ANKS1B: variants seen among roughly 807,000 people sequenced by gnomAD.
ANKS1B encodes the protein ankyrin repeat and sterile alpha motif domain containing 1B.
ANKS1B carries 36 observed loss-of-function variants against 148.3 expected under a neutral mutation model. The ratio of observed to expected loss-of-function variants is 0.24; its 90% CI spans 0.19 to 0.32. The LOEUF is 0.32. Ranked by LOEUF, ANKS1B falls within the 10% of genes least tolerant of loss-of-function variation. The pLI is 1.00. For synonymous variants in ANKS1B, 542 were observed against 560.8 expected (o/e 0.97, Z 0.47); for missense variants, 1,157 against 1,542.6 (o/e 0.75, Z 4.19).
intron 8 of ANKS1B, among the ~76,000 whole-genome samples, chr12:99,696,558 CTT>C (rs561891959): frequency 2.0e-5 from 3 of 152,172 alleles, no homozygotes; most frequent in African/African-American, 7.2e-5. Context: ...AGGTCTTACA[CTT>C]TTCACAAATT....
chr12:98,745,374 A>C lies in ANKS1B; in HGVS notation c.*365T>G, dbSNP rs954368131. ...TTAGGCAGTATTAGAGATCCCCTTT[A>C]CTTTTTTTTTTTTTTTTTTTTTTTT... On this transcript the variant is annotated 3_prime_UTR_variant, in exon 27 of 27. Coordinates refer to ENST00000683438, the MANE Select transcript of ANKS1B (RefSeq NM_001352186.2). 1.3e-5 allele frequency: 10 copies of C among 749,550 alleles called. No homozygotes were observed. In the African/African-American group the frequency reaches 2.7e-4, roughly 20 times the overall value. The allele number at this position is 749,550 out of a possible 1,614,324, so 46.4% of individuals were successfully genotyped here.
Position 99,299,254 on chromosome 12 carries a change from T to C in ANKS1B, c.1757-52390A>G, listed in dbSNP as rs557102544. 1.2e-3 allele frequency among the ~76,000 whole-genome samples: 188 copies of C among 152,178 alleles called. 1 individual carries two copies. The highest frequency in any genetic ancestry group is 4.4e-3 in the African/African-American group (184 of 41,532). On this transcript the variant is annotated intron_variant, in intron 12 of 26. Coordinates refer to ENST00000683438, the MANE Select transcript of ANKS1B (RefSeq NM_001352186.2). ...TTTTCTATTTTTTGTAGAGACGAGG[T>C]CTCGCTATGTTGTCCAGGCTGGTCT...
chr12:99,589,740 C>G, intron 9 of ANKS1B, among the ~76,000 whole-genome samples: 1 of 152,018 alleles, frequency 6.6e-6, no homozygotes, highest in East Asian at 1.9e-4. Flanking sequence ...TGGAAACCAC[C>G]TAAATGAATG....
intron 9 of ANKS1B, among the ~76,000 whole-genome samples, chr12:99,566,232 T>G (rs2097392339): frequency 6.6e-6 from 1 of 152,210 alleles, no homozygotes; most frequent in African/African-American, 2.4e-5. Context: ...TCTTTTGCAT[T>G]CTATTACAAG....
chr12:99,131,223 C>T (rs1485094296), intron 15 of ANKS1B, among the ~76,000 whole-genome samples: 1 of 152,314 alleles, frequency 6.6e-6, no homozygotes, highest in Admixed American at 6.5e-5. Flanking sequence ...ACCCAACAAA[C>T]ACTTGGTTTA....
At chr12:99,789,267 C>A in intron 4 of ANKS1B, among the ~76,000 whole-genome samples, 1 of 152,174 alleles carries the variant, frequency 6.6e-6, no homozygotes, top group East Asian at 1.9e-4. Flanking sequence ...AAGGCAATAC[C>A]TCTATGAGTC....
At chr12:99,153,719 T>A (rs1396604392) in intron 15 of ANKS1B, among the ~76,000 whole-genome samples, 1 of 152,180 alleles carries the variant, frequency 6.6e-6, no homozygotes, top group Non-Finnish European at 1.5e-5. Flanking sequence ...TAAACAATAC[T>A]TCATCGCTCT....
At chr12:99,106,456 C>T (rs1035076980) in intron 15 of ANKS1B, among the ~76,000 whole-genome samples, 6 of 152,178 alleles carry the variant, frequency 3.9e-5, no homozygotes, top group Admixed American at 1.3e-4. Flanking sequence ...TTTTGAATTT[C>T]GTCTTGAAAG....
rs75155363 is a variant in ANKS1B, at chr12:99,559,301, G to C, written c.1273-54660C>G. Among the ~76,000 whole-genome samples, 1,125 of 152,222 alleles carry C rather than the reference G, an allele frequency of 7.4e-3. 36 individuals are homozygous for C. The highest frequency in any genetic ancestry group is 0.064 in the South Asian group (310 of 4,820). ...AGACTTCTATCAAGTCAGGCTCAAA[G>C]GCTTAGATTTTTAAATCAGTGTTGA... On this transcript the variant is annotated intron_variant, in intron 9 of 26. Transcript: ENST00000683438.
intron 8 of ANKS1B, among the ~76,000 whole-genome samples, chr12:99,716,094 C>G (rs2057284908): frequency 6.6e-6 from 1 of 152,096 alleles, no homozygotes; most frequent in Admixed American, 6.5e-5. Flanking sequence ...ACAACCCCTT[C>G]TCTCCCTGTC....
chr12:99,533,863 CAATT>C (rs1385503193), intron 9 of ANKS1B, among the ~76,000 whole-genome samples: 10 of 148,132 alleles, frequency 6.8e-5, no homozygotes, highest in African/African-American at 8.0e-5. Flanking sequence ...TTAAATGACT[CAATT>C]AATTAACAAA....
intron 19 of ANKS1B, among the ~76,000 whole-genome samples, chr12:98,825,819 T>C (rs1413897011): frequency 6.6e-6 from 1 of 152,178 alleles, no homozygotes; most frequent in Non-Finnish European, 1.5e-5. Context: ...TTTTCCTCCT[T>C]CTGATATATT....
rs10860484 is a variant in ANKS1B, at chr12:99,663,236, G to C, written c.1129-8026C>G. On this transcript the variant is annotated intron_variant, in intron 8 of 26. Transcript: ENST00000683438. Reference sequence around the variant, plus strand: ...GGTCAGTGATCATATTACTCACAAAGGAACAGACTCAACCATCTTAAATTT... The same window carrying C: ...GGTCAGTGATCATATTACTCACAAACGAACAGACTCAACCATCTTAAATTT... Among the ~76,000 whole-genome samples, 5,295 of 152,072 alleles carry C rather than the reference G, an allele frequency of 0.035. 436 individuals carry two copies. The East Asian group carries it at 0.36, about 10-fold the overall frequency.
chr12:99,003,577 G>C (rs2099934267), intron 17 of ANKS1B, among the ~76,000 whole-genome samples: 1 of 152,154 alleles, frequency 6.6e-6, no homozygotes, highest in African/African-American at 2.4e-5. Flanking sequence ...ATATTTTAAA[G>C]TTTGATATTC....
chr12:98,917,849 T>C (rs532428832), intron 17 of ANKS1B, among the ~76,000 whole-genome samples: 1 of 152,324 alleles, frequency 6.6e-6, no homozygotes, highest in East Asian at 1.9e-4. Context: ...TCACACAAGG[T>C]ACTCAACCCT....
chr12:99,460,708 C>T (rs1272451692), intron 10 of ANKS1B, among the ~76,000 whole-genome samples: 1 of 149,694 alleles, frequency 6.7e-6, no homozygotes, highest in Non-Finnish European at 1.5e-5. Flanking sequence ...TACCACCTTA[C>T]TCCTGCAAGA....
At chr12:98,983,830 A>C (rs2099921666) in intron 17 of ANKS1B, among the ~76,000 whole-genome samples, 2 of 152,128 alleles carry the variant, frequency 1.3e-5, no homozygotes, top group South Asian at 4.1e-4. Context: ...GCCTGGGAAT[A>C]ATTCTCTTTA....
intron 17 of ANKS1B, among the ~76,000 whole-genome samples, chr12:99,008,362 C>G (rs962840045): frequency 6.6e-6 from 1 of 151,914 alleles, no homozygotes; most frequent in African/African-American, 2.4e-5. Flanking sequence ...AAATAGCAAC[C>G]ATGTAATCTA....
At chr12:99,242,804 A>G (rs2089601035) in intron 14 of ANKS1B, among the ~76,000 whole-genome samples, 1 of 152,240 alleles carries the variant, frequency 6.6e-6, no homozygotes, top group Non-Finnish European at 1.5e-5. Context: ...AGGATTCCCT[A>G]TTTAATAAAT....
Sources: allele counts gnomAD v4.1 joint callset (sites outside exome capture counted in the v4.1 genomes callset), GRCh38; gene constraint gnomAD v4.1.1; transcripts MANE v1.5; gene names NCBI Gene and HGNC (gene_info 2026-07-23, HGNC 2026-07-21).